The following LOXHD1 variants were observed in gnomAD, a reference collection of about 807,000 sequenced individuals.
LOXHD1 encodes lipoxygenase homology PLAT domains 1.
Under a neutral mutation model 248.2 loss-of-function variants are expected in LOXHD1, and 205 were observed. The ratio of observed to expected loss-of-function variants is 0.83; its 90% CI spans 0.74 to 0.93. The LOEUF is 0.93. Among genes scored for constraint, LOXHD1 ranks in the 40% least tolerant of loss-of-function variants. LOXHD1 has a pLI of 0.00. For synonymous variants in LOXHD1, 1,113 were observed against 1,162.8 expected (o/e 0.96, Z 0.87); for missense variants, 2,930 against 2,971.6 (o/e 0.99, Z 0.33).
At chr18:46,654,122 T>C (rs1336920141) in intron 1 of LOXHD1, among the ~76,000 whole-genome samples, 1 of 152,228 alleles carries the variant, frequency 6.6e-6, no homozygotes, top group African/African-American at 2.4e-5. Flanking sequence ...GGCTTGTCCT[T>C]CTGCCTATTG....
chr18:46,560,052 T>TGCCCCC, intron 19 of LOXHD1, 31 bp downstream of exon 19: 14 of 441,126 alleles, frequency 3.2e-5, no homozygotes, highest in African/African-American at 6.2e-5. Flanking sequence ...GGCCACTCCC[T>TGCCCCC]CCCCACCCCC....
chr18:46,621,551 G>GC (rs530806432), intron 4 of LOXHD1, among the ~76,000 whole-genome samples: 1 of 152,136 alleles, frequency 6.6e-6, no homozygotes, highest in Non-Finnish European at 1.5e-5. Flanking sequence ...TCACACAAGT[G>GC]CCCCCCAATT....
chr18:46,618,385 C>T (rs1288594452), intron 4 of LOXHD1, 95 bp from the exon 5 acceptor site: 2 of 775,668 alleles, frequency 2.6e-6, no homozygotes, highest in African/African-American at 1.7e-5. Flanking sequence ...ACACTTACCC[C>T]CAGCAATGCA....
intron 3 of LOXHD1, among the ~76,000 whole-genome samples, chr18:46,640,912 G>A (rs950080166): frequency 1.3e-5 from 2 of 152,134 alleles, no homozygotes; most frequent in African/African-American, 4.8e-5. Context: ...CCTTGCAGTT[G>A]TTAACAGGAC....
intron 16 of LOXHD1, among the ~76,000 whole-genome samples, chr18:46,567,720 A>C (rs1226346249): frequency 1.3e-5 from 2 of 152,240 alleles, no homozygotes; most frequent in African/African-American, 2.4e-5. Context: ...ATTTAATACT[A>C]ATAGCAACCC....
Position 46,507,646 on chromosome 18 carries a change from G to A in LOXHD1, c.5584C>T (p.Arg1862Trp), listed in dbSNP as rs201994383. ...CACACCAGGGTCTTCTTGCCCTTCCGCTGGGACAGCCAGTCTCCATAGTAG... is the reference window on the plus strand; with the variant it reads ...CACACCAGGGTCTTCTTGCCCTTCCACTGGGACAGCCAGTCTCCATAGTAG... ...MFYYGDWLSQ[R>W]KGKKTLVCEM... Residue 1862 changes from arginine (R) to tryptophan (W), a missense_variant, in exon 36 of 41, where the codon CGG (arginine) becomes TGG (tryptophan). Coordinates refer to ENST00000642948, the MANE Select transcript of LOXHD1 (RefSeq NM_001384474.1). 2.3e-4 allele frequency: 361 copies of A among 1,551,656 alleles called. 1 individual carries two copies. In the Middle Eastern group the frequency reaches 3.7e-3, roughly 16 times the overall value.
chr18:46,586,604 C>G (rs185839434), intron 12 of LOXHD1, among the ~76,000 whole-genome samples: 10 of 94,810 alleles, frequency 1.1e-4, no homozygotes, highest in South Asian at 8.7e-4. Context: ...TGCGACCATG[C>G]CTGGCTAATT....
chr18:46,590,164 T>C (rs1198576719), intron 12 of LOXHD1, among the ~76,000 whole-genome samples: 2 of 152,194 alleles, frequency 1.3e-5, no homozygotes, highest in African/African-American at 2.4e-5. Context: ...ATATTACCTG[T>C]AAATTTGTTA....
At chr18:46,492,447 AG>A (rs1453427536) in intron 37 of LOXHD1, among the ~76,000 whole-genome samples, 2 of 152,222 alleles carry the variant, frequency 1.3e-5, no homozygotes, top group Admixed American at 6.5e-5. Context: ...TGCCAAGTGA[AG>A]GGGGAAGCCC....
intron 2 of LOXHD1, among the ~76,000 whole-genome samples, chr18:46,647,078 G>A (rs2039040539): frequency 6.6e-6 from 1 of 152,198 alleles, no homozygotes; most frequent in South Asian, 2.1e-4. Context: ...CTGGAACATG[G>A]TCCATATATA....
chr18:46,560,048 T>TGCCTGGC, intron 19 of LOXHD1, 35 bp downstream of exon 19: 14 of 1,226,292 alleles, frequency 1.1e-5, no homozygotes, highest in East Asian at 2.8e-5. Context: ...GTCTGGCCAC[T>TGCCTGGC]CCCTCCCCAC....
chr18:46,543,988 C>G (rs1344331393), intron 23 of LOXHD1, among the ~76,000 whole-genome samples: 2 of 152,202 alleles, frequency 1.3e-5, no homozygotes, highest in Non-Finnish European at 2.9e-5. Flanking sequence ...TATAATCAGT[C>G]CTGAGACTGC....
chr18:46,533,082 C>T (rs2036144963), intron 28 of LOXHD1, 80 bp downstream of exon 28: 2 of 1,470,388 alleles, frequency 1.4e-6, no homozygotes, highest in African/African-American at 2.8e-5. Flanking sequence ...AGAGGCTTAG[C>T]CTGGCACAGG....
At chr18:46,505,192 T>A (rs1335645579) in intron 37 of LOXHD1, among the ~76,000 whole-genome samples, 1 of 152,106 alleles carries the variant, frequency 6.6e-6, no homozygotes, top group Non-Finnish European at 1.5e-5. Flanking sequence ...CCTTCTTTTT[T>A]TTTTTTTGAG....
chr18:46,570,581 G>C (rs1005236744), intron 15 of LOXHD1, among the ~76,000 whole-genome samples: 1 of 152,200 alleles, frequency 6.6e-6, no homozygotes, highest in African/African-American at 2.4e-5. Context: ...CTCTATTCTT[G>C]CTGAAAGATG....
chr18:46,538,746 G>A (rs867424205), intron 25 of LOXHD1, among the ~76,000 whole-genome samples: 4 of 152,204 alleles, frequency 2.6e-5, no homozygotes, highest in Non-Finnish European at 5.9e-5. Context: ...CATGGTGCTT[G>A]GCTGAAGAGA....
At chr18:46,549,088 C>A (rs2036974230) in intron 21 of LOXHD1, among the ~76,000 whole-genome samples, 1 of 152,172 alleles carries the variant, frequency 6.6e-6, no homozygotes, top group Admixed American at 6.5e-5. Flanking sequence ...GGCCTACTGA[C>A]CCCTGCCTCT....
chr18:46,654,126 C>T (rs1219152950), intron 1 of LOXHD1, among the ~76,000 whole-genome samples: 2 of 152,188 alleles, frequency 1.3e-5, no homozygotes, highest in African/African-American at 4.8e-5. Context: ...TGTCCTTCTG[C>T]CTATTGCCAT....
chr18:46,573,734 A>AT (rs1213661012), intron 14 of LOXHD1, among the ~76,000 whole-genome samples: 1 of 152,122 alleles, frequency 6.6e-6, no homozygotes, highest in African/African-American at 2.4e-5. Flanking sequence ...CTTCTCTTAC[A>AT]TCCTCCTTCC....
Sources: allele counts gnomAD v4.1 joint callset (sites outside exome capture counted in the v4.1 genomes callset), GRCh38; gene constraint gnomAD v4.1.1; transcripts MANE v1.5; gene names NCBI Gene and HGNC (gene_info 2026-07-23, HGNC 2026-07-21).